Variants in FMN2 observed in about 807,000 individuals in gnomAD.
The protein encoded by FMN2 is formin 2.
A neutral mutation model predicts 142.3 loss-of-function variants in FMN2; 51 were observed. The observed-to-expected ratio is 0.36, with a 90% CI of 0.29 to 0.45. FMN2 has a LOEUF of 0.45. FMN2 is among the 20% of genes least tolerant of loss of function. FMN2 has a pLI of 1.00. For synonymous variants in FMN2, 882 were observed against 869.8 expected, an observed-to-expected ratio of 1.01 and a Z score of -0.25; for missense variants, 1,936 against 2,122.8, an observed-to-expected ratio of 0.91 and a Z score of 1.73.
intron 13 of FMN2, among the ~76,000 whole-genome samples, chr1:240,355,258 T>A (rs1672224807): frequency 6.6e-6 from 1 of 152,188 alleles, no homozygotes. Flanking sequence ...AAAATGCATC[T>A]GACATGTAAT....
chr1:240,330,565 A>T, intron 10 of FMN2, 38 bp from the exon 11 acceptor site: 1 of 1,596,458 alleles, frequency 6.3e-7, no homozygotes, highest in Middle Eastern at 1.7e-4. Context: ...ACCTGGTATA[A>T]GATAAAAGTT....
At chr1:240,213,371 G>C (rs1287193720) in intron 6 of FMN2, among the ~76,000 whole-genome samples, 2 of 152,114 alleles carry the variant, frequency 1.3e-5, no homozygotes, top group African/African-American at 2.4e-5. Context: ...TCTTGGTGCT[G>C]AGCTCTGCAC....
intron 3 of FMN2, among the ~76,000 whole-genome samples, chr1:240,184,905 T>C (rs775501074): frequency 7.9e-5 from 12 of 151,760 alleles, no homozygotes; most frequent in Non-Finnish European, 1.8e-4. Flanking sequence ...AAGGACACTT[T>C]CGCCATTTTT....
At chr1:240,373,890 C>G (rs1168015544) in intron 14 of FMN2, among the ~76,000 whole-genome samples, 1 of 152,138 alleles carries the variant, frequency 6.6e-6, no homozygotes. Flanking sequence ...TTGCTTGGAT[C>G]CACCAGAGGA....
At chr1:240,273,638 G>T (rs917321557) in intron 7 of FMN2, among the ~76,000 whole-genome samples, 2 of 152,106 alleles carry the variant, frequency 1.3e-5, no homozygotes, top group African/African-American at 4.8e-5. Context: ...TCTGTGTATG[G>T]GAGTGGCATG....
intron 4 of FMN2, among the ~76,000 whole-genome samples, chr1:240,198,126 C>T (rs1419225923): frequency 1.3e-5 from 2 of 152,184 alleles, no homozygotes; most frequent in Non-Finnish European, 2.9e-5. Flanking sequence ...ATAGTGCTTT[C>T]CTTCCTTGCA....
Position 240,092,154 on chromosome 1 carries a change from T to C in FMN2, c.45T>C (p.Ala15=), listed in dbSNP as rs767315251. The part of the protein sequence containing the change: ...DGKLKRSAGD[A]LHEGGGGAED... Reference sequence around the variant, plus strand: ...AGCTGAAGAGGAGCGCAGGTGATGCTTTGCACGAAGGCGGCGGTGGCGCCG... The same window carrying C: ...AGCTGAAGAGGAGCGCAGGTGATGCCTTGCACGAAGGCGGCGGTGGCGCCG... Residue 15 remains alanine (A), a synonymous_variant, in exon 1 of 18, where the codon GCT becomes GCC. Transcript: ENST00000319653. 47 of 1,571,886 alleles carry C rather than the reference T, an allele frequency of 3.0e-5. No homozygotes were observed. The highest frequency in any genetic ancestry group is 3.4e-5 in the Non-Finnish European group (39 of 1,159,022).
intron 1 of FMN2, among the ~76,000 whole-genome samples, chr1:240,102,247 C>T (rs1363276915): frequency 1.3e-5 from 2 of 152,184 alleles, no homozygotes; most frequent in African/African-American, 4.8e-5. Context: ...GAAAAAAGTT[C>T]CATTGGCCTT....
intron 15 of FMN2, among the ~76,000 whole-genome samples, chr1:240,414,861 A>G (rs1016494914): frequency 2.6e-5 from 4 of 152,228 alleles, no homozygotes; most frequent in African/African-American, 9.6e-5. Flanking sequence ...ACCCAACTGT[A>G]ATAGTAAAGT....
intron 14 of FMN2, among the ~76,000 whole-genome samples, chr1:240,388,284 A>T (rs1376299958): frequency 6.9e-6 from 1 of 144,870 alleles, no homozygotes; most frequent in Non-Finnish European, 1.5e-5. Context: ...AAAAGAAATT[A>T]TTACCCTGCT....
At chr1:240,141,438 T>G (rs557698943) in intron 2 of FMN2, among the ~76,000 whole-genome samples, 1 of 152,038 alleles carries the variant, frequency 6.6e-6, no homozygotes, top group South Asian at 2.1e-4. Context: ...TGCAAACTCC[T>G]CCCCCTGCAA....
rs56844720 is a variant in FMN2 at position 240,334,093 on chromosome 1, G to GT, written c.4645-10dup. On this transcript the variant is annotated splice_polypyrimidine_tract_variant and intron_variant, in intron 12 of 17. Coordinates refer to ENST00000319653, the MANE Select transcript of FMN2 (RefSeq NM_020066.5). ...AACCAATTTCTTTAAATATGATGGG[G>GT]TTTTTTGTTCATTAGGATGCTGGAA... The GT allele has an allele frequency of 1.5e-5, 23 of 1,581,724 alleles. No individual in the cohort carries two copies. Among genetic ancestry groups the GT allele is most frequent in the Non-Finnish European group, 1.9e-5 (22 of 1,171,088 alleles).
At position 240,319,826 on chromosome 1, in the gene FMN2, C is replaced by G. The variant is rs187205478; in HGVS notation, c.4216-9250C>G. On this transcript the variant is annotated intron_variant, in intron 8 of 17. Coordinates refer to ENST00000319653, the MANE Select transcript of FMN2 (RefSeq NM_020066.5). ...CGAGAAATAGTTGCTTAGCACCATTCATAAACTCAGCAGAAATGGGTATCA... is the reference window on the plus strand; with the variant it reads ...CGAGAAATAGTTGCTTAGCACCATTGATAAACTCAGCAGAAATGGGTATCA... Among the ~76,000 whole-genome samples, 427 of 152,238 alleles carry G rather than the reference C, an allele frequency of 2.8e-3. 2 individuals carry two copies. Among genetic ancestry groups the G allele is most frequent in the South Asian group, 0.017 (82 of 4,826 alleles).
At chr1:240,189,462 G>A (rs1020174113) in intron 4 of FMN2, among the ~76,000 whole-genome samples, 7 of 152,198 alleles carry the variant, frequency 4.6e-5, no homozygotes, top group Non-Finnish European at 8.8e-5. Context: ...GTTCTTCTCT[G>A]TAAAATTAAA....
At chr1:240,213,620 A>G (rs923093671) in intron 6 of FMN2, among the ~76,000 whole-genome samples, 8 of 152,214 alleles carry the variant, frequency 5.3e-5, no homozygotes, top group Non-Finnish European at 1.0e-4. Context: ...TTGTATGTGC[A>G]GACATTTTGG....
chr1:240,113,682 A>G (rs1450541454), intron 1 of FMN2, among the ~76,000 whole-genome samples: 1 of 152,080 alleles, frequency 6.6e-6, no homozygotes, highest in Non-Finnish European at 1.5e-5. Context: ...TAAATTCTCA[A>G]TTATCAAATG....
At chr1:240,367,424 G>A (rs1672708639) in intron 14 of FMN2, among the ~76,000 whole-genome samples, 1 of 152,034 alleles carries the variant, frequency 6.6e-6, no homozygotes, top group African/African-American at 2.4e-5. Context: ...TTATTTCTAT[G>A]TAGTGATATC....
chr1:240,329,488 G>A lies in FMN2; in HGVS notation c.4437+20G>A, dbSNP rs535892554. On this transcript the variant is annotated intron_variant, in intron 10 of 17. Transcript: ENST00000319653. ...TGTGAGGTGAGTTCTGGTCCAAAGA[G>A]AGCTGAACTTGAGTCTCATTTAATT... 6.2e-7 allele frequency: 1 copy of A among 1,607,538 alleles called. No homozygotes were observed.
At chr1:240,188,538 C>T (rs1204658496) in intron 4 of FMN2, among the ~76,000 whole-genome samples, 1 of 152,118 alleles carries the variant, frequency 6.6e-6, no homozygotes, top group East Asian at 1.9e-4. Flanking sequence ...ACAGCGGGCT[C>T]CAGCAGGAAA....
Sources: gnomAD v4.1 joint callset for allele counts (sites outside exome capture counted in the v4.1 genomes callset) on GRCh38, gnomAD v4.1.1 for gene constraint, MANE v1.5 for transcripts, NCBI Gene and HGNC (gene_info 2026-07-23, HGNC 2026-07-21) for gene names.